The following CNMD variants were observed in gnomAD, a reference collection of about 807,000 sequenced individuals.
CNMD encodes chondromodulin, also known as leukocyte cell-derived chemotaxin 1.
A neutral mutation model predicts 37.5 loss-of-function variants in CNMD; 30 were observed. That is an observed-to-expected ratio of 0.80 (90% confidence interval 0.60 to 1.09). CNMD has a LOEUF of 1.09. Among genes scored for constraint, CNMD ranks in the 50% least tolerant of loss-of-function variants. CNMD has a pLI of 0.00. For synonymous variants in CNMD, 167 were observed against 148.2 expected, an observed-to-expected ratio of 1.13 and a Z score of -0.92; for missense variants, 398 against 423.9, an observed-to-expected ratio of 0.94 and a Z score of 0.54.
chr13:52,737,346 CCTGT>C (rs1260378240), intron 2 of CNMD, among the ~76,000 whole-genome samples: 3 of 152,130 alleles, frequency 2.0e-5, no homozygotes, highest in African/African-American at 7.2e-5. Flanking sequence ...TCTTCATTCT[CCTGT>C]CTGTATAGGA....
intron 6 of CNMD, among the ~76,000 whole-genome samples, chr13:52,704,777 T>A (rs1964147070): frequency 6.6e-6 from 1 of 152,090 alleles, no homozygotes; most frequent in Non-Finnish European, 1.5e-5. Flanking sequence ...TATTAAAAAT[T>A]TCAGCCACGC....
intron 6 of CNMD, 135 bp from the exon 7 acceptor site, chr13:52,703,945 A>C (rs1964132912): frequency 1.5e-6 from 1 of 672,466 alleles, no homozygotes; most frequent in Non-Finnish European, 2.5e-6. Flanking sequence ...GATCTTGTTT[A>C]CCCTGTCATT....
intron 3 of CNMD, 41 bp downstream of exon 3, chr13:52,733,177 GC>G (rs746776635): frequency 1.9e-6 from 3 of 1,609,720 alleles, no homozygotes; most frequent in Non-Finnish European, 2.6e-6. Context: ...AGTCCCGCAG[GC>G]TTGCCTGGTT....
chr13:52,716,683 C>T (rs1049318588), intron 4 of CNMD, among the ~76,000 whole-genome samples: 13 of 152,108 alleles, frequency 8.5e-5, no homozygotes, highest in Non-Finnish European at 1.8e-4. Flanking sequence ...TTTCTGAGGG[C>T]TCTGTTCTGT....
In CNMD at chr13:52,724,261, AT is replaced by A. The variant is rs1225996627; in HGVS notation, c.355-152del. 4.6e-6 allele frequency: 3 copies of A among 645,732 alleles called. No homozygotes were observed. In the East Asian group the frequency reaches 8.3e-5, roughly 18 times the overall value. The allele number at this position is 645,732 out of a possible 1,614,324, so 40.0% of individuals were successfully genotyped here. ...GCCCTCATGGAACTTACCTTTTAGC[AT>A]TGTTTACCAATAATAAAAAACAGCC... is the stretch of plus-strand genomic sequence containing the variant. On this transcript the variant is annotated intron_variant, in intron 3 of 6. Transcript: ENST00000377962.
chr13:52,705,979 C>A (rs1226454031), intron 6 of CNMD, among the ~76,000 whole-genome samples: 1 of 152,120 alleles, frequency 6.6e-6, no homozygotes, highest in East Asian at 1.9e-4. Flanking sequence ...TTCTGATAAG[C>A]CTTTGGTTGT....
intron 5 of CNMD, among the ~76,000 whole-genome samples, chr13:52,711,749 AT>A (rs1329287473): frequency 6.6e-6 from 1 of 152,200 alleles, no homozygotes; most frequent in African/African-American, 2.4e-5. Context: ...CATGTTAACC[AT>A]TTTTAAGTGT....
chr13:52,713,212 C>T (rs950069614), intron 4 of CNMD, among the ~76,000 whole-genome samples: 1 of 152,026 alleles, frequency 6.6e-6, no homozygotes, highest in African/African-American at 2.4e-5. Flanking sequence ...TTGAACGAAC[C>T]CTGGAATCCT....
At position 52,703,716 on chromosome 13, in the gene CNMD, T is replaced by G; in HGVS notation, c.884A>C (p.Lys295Thr). 1 of 1,613,572 alleles carries G rather than the reference T, an allele frequency of 6.2e-7. No homozygotes were observed. The stretch of plus-strand genomic sequence containing the variant: ...ATAGCCCCCCAGGGGTTCACAGATC[T>G]TCTGGCAGTGGGTGTAGCTCCGCCT... Reference protein sequence around the residue: ...ECRRSYTHCQKICEPLGGYYP... With the variant: ...ECRRSYTHCQTICEPLGGYYP... Residue 295 changes from lysine to threonine, a missense_variant, in exon 7 of 7, where the codon AAG becomes ACG. Transcript: ENST00000377962.
rs368072695 is a variant in CNMD, at chr13:52,734,108, G to GA, written c.214-750dup. On this transcript the variant is annotated intron_variant, in intron 2 of 6. Transcript: ENST00000377962. ...GATGTGTGGGGAGTGTGGAAGAGGG[G>GA]AAGGGACCTGGCACTGCAGAAGAGC... Among the ~76,000 whole-genome samples the GA allele has an allele frequency of 6.1e-3, 929 of 152,308 alleles. 5 individuals carry two copies. Among genetic ancestry groups the GA allele is most frequent in the African/African-American group, 0.016 (655 of 41,558 alleles).
chr13:52,721,071 G>A (rs936469928), intron 4 of CNMD, among the ~76,000 whole-genome samples: 2 of 152,136 alleles, frequency 1.3e-5, no homozygotes, highest in African/African-American at 2.4e-5. Context: ...CACCCAGTTC[G>A]GACTTCCTGG....
chr13:52,722,922 T>G (rs1488860528), intron 4 of CNMD, among the ~76,000 whole-genome samples: 1 of 152,178 alleles, frequency 6.6e-6, no homozygotes, highest in Non-Finnish European at 1.5e-5. Flanking sequence ...CTCAGCTTAA[T>G]GTAGGGCAAA....
chr13:52,728,527 A>T (rs1964612807), intron 3 of CNMD, among the ~76,000 whole-genome samples: 1 of 152,178 alleles, frequency 6.6e-6, no homozygotes, highest in Admixed American at 6.5e-5. Context: ...TGAGGAATAC[A>T]CGTGGAGAAT....
Position 52,708,627 on chromosome 13 carries a change from C to T in CNMD, c.698G>A (p.Arg233Gln), listed in dbSNP as rs766244515. 12 of 1,613,772 alleles carry T rather than the reference C, an allele frequency of 7.4e-6. No individual in the cohort carries two copies. The highest frequency in any genetic ancestry group is 6.7e-5 in the East Asian group (3 of 44,868). Residue 233 changes from arginine to glutamine, a missense_variant, in exon 6 of 7, where the codon CGG (arginine) becomes CAG (glutamine). Arg to Gln is a conservative substitution (Grantham distance 43, BLOSUM62 1). Transcript: ENST00000377962. The part of the protein sequence containing the change: ...TTTKRPHSGP[R>Q]SNPGAGRLNN... ...CAGTCTTCCAGCGCCTGGGTTGCTC[C>T]GTGGTCCACTGTGTGGTCTTTTTGT... is the stretch of plus-strand genomic sequence containing the variant.
chr13:52,720,793 TGAG>T (rs1964469758), intron 4 of CNMD, among the ~76,000 whole-genome samples: 1 of 152,168 alleles, frequency 6.6e-6, no homozygotes, highest in Non-Finnish European at 1.5e-5. Context: ...GGGACTCACT[TGAG>T]GAGGCAGTCT....
chr13:52,708,839 T>C (rs983852531), intron 5 of CNMD, 137 bp from the exon 6 acceptor site: 4 of 636,548 alleles, frequency 6.3e-6, no homozygotes, highest in Admixed American at 3.0e-5. Flanking sequence ...TTTGTACTGA[T>C]GTTTGTAGTA....
Position 52,708,646 on chromosome 13 carries a change from T to C in CNMD, c.679A>G (p.Arg227Gly). Residue 227 changes from arginine (R) to glycine (G), a missense_variant, in exon 6 of 7, where the codon AGA becomes GGA. Transcript: ENST00000377962. ...VRKIVPTTTK[R>G]PHSGPRSNPG... ...TTGCTCCGTGGTCCACTGTGTGGTC[T>C]TTTTGTGGTAGTTGGAACAATTTTT... 1 of 1,612,996 alleles carries C rather than the reference T, an allele frequency of 6.2e-7. No individual in the cohort carries two copies. Among genetic ancestry groups the C allele is most frequent in the Non-Finnish European group, 8.5e-7 (1 of 1,179,644 alleles).
rs776703620 is a variant in CNMD, at chr13:52,733,232, T to G, written c.341A>C (p.Asn114Thr). Residue 114 changes from asparagine (N) to threonine (T), a missense_variant, in exon 3 of 7, where the codon AAT (asparagine) becomes ACT (threonine). Coordinates refer to ENST00000377962, the MANE Select transcript of CNMD (RefSeq NM_007015.3). ...GSGAEEAIAV[N>T]DFQNGITGIR... The stretch of plus-strand genomic sequence containing the variant: ...AAATATACTTACATTCTGGAAATCA[T>G]TAACTGCAATTGCTTCTTCAGCTCC... 6.2e-7 allele frequency: 1 copy of G among 1,614,138 alleles called. No individual in the cohort carries two copies. Among genetic ancestry groups the G allele is most frequent in the South Asian group, 1.1e-5 (1 of 91,084 alleles).
chr13:52,727,144 G>A (rs1964588523), intron 3 of CNMD, among the ~76,000 whole-genome samples: 1 of 151,972 alleles, frequency 6.6e-6, no homozygotes, highest in African/African-American at 2.4e-5. Context: ...GGTGGTGCAC[G>A]CCTGTTATCC....
Sources: allele counts gnomAD v4.1 joint callset (sites outside exome capture counted in the v4.1 genomes callset), GRCh38; gene constraint gnomAD v4.1.1; transcripts MANE v1.5; gene names NCBI Gene and HGNC (gene_info 2026-07-23, HGNC 2026-07-21).